The following METTL24 variants were observed in gnomAD, a reference collection of about 807,000 sequenced individuals.
The protein encoded by METTL24 is probable methyltransferase-like protein 24.
A neutral mutation model predicts 32.7 loss-of-function variants in METTL24; 29 were observed. The ratio of observed to expected loss-of-function variants is 0.89; its 90% CI spans 0.66 to 1.21. The LOEUF (loss-of-function observed/expected upper bound fraction) is 1.21, where lower values mean the gene tolerates loss of function less well. Among genes scored for constraint, METTL24 ranks in the 50% most tolerant of loss-of-function variants. The probability of loss-of-function intolerance (pLI) is 0.00; values close to 1 mark genes in which losing one functional copy is unlikely to be tolerated. For missense variants in METTL24, 439 were observed against 468.1 expected, an observed-to-expected ratio of 0.94 and a Z score of 0.57; for synonymous variants, 163 against 179.5, an observed-to-expected ratio of 0.91 and a Z score of 0.73.
At chr6:110,357,431 G>C (rs1304570436) in intron 1 of METTL24, 1 of 152,248 alleles carries the variant, frequency 6.6e-6, no homozygotes, top group African/African-American at 2.4e-5. Flanking sequence ...GCCAACGCCT[G>C]GAATGAGACT....
At chr6:110,316,952 C>A (rs1253560129) in intron 2 of METTL24, among the ~76,000 whole-genome samples, 1 of 152,080 alleles carries the variant, frequency 6.6e-6, no homozygotes, top group Non-Finnish European at 1.5e-5. Context: ...CTTGCCTAAT[C>A]CTTTAACTGA....
rs183686111 is a variant in METTL24 at position 110,245,034 on chromosome 6, A to G, written c.*912T>C. Among the ~76,000 whole-genome samples the G allele has an allele frequency of 1.3e-5, 2 of 152,110 alleles. No individual in the cohort carries two copies. Among genetic ancestry groups the G allele is most frequent in the Non-Finnish European group, 2.9e-5 (2 of 67,990 alleles). On this transcript the variant is annotated 3_prime_UTR_variant, in exon 5 of 5. Transcript: ENST00000338882. Reference sequence around the variant, plus strand: ...CTATTTATCTACCTACCTACCTACAATGGTTAATTTTATGTGTCAACTTAA... The same window carrying G: ...CTATTTATCTACCTACCTACCTACAGTGGTTAATTTTATGTGTCAACTTAA...
In METTL24 at chr6:110,322,835, C is replaced by A. The variant is rs1210445323; in HGVS notation, c.356G>T (p.Gly119Val). The A allele has an allele frequency of 6.2e-7, 1 of 1,613,856 alleles. No homozygotes were observed. Among genetic ancestry groups the A allele is most frequent in the Non-Finnish European group, 8.5e-7 (1 of 1,179,864 alleles). ...TTCTTCATCCAGGGACTGAGCAGAG[C>A]CTGCCCAAGGCTGGAGATCTATATG... is the stretch of plus-strand genomic sequence containing the variant. ...RWHIDLQPWA[G>V]SAQSLDEEAW... is the part of the protein sequence containing the mutation. The change falls in exon 2 of 5, where the codon GGC becomes GTC. Residue 119 changes from glycine to valine, a missense_variant. Gly to Val is a moderately radical substitution (Grantham distance 109). Transcript: ENST00000338882.
chr6:110,253,154 G>A (rs925272577), intron 4 of METTL24, among the ~76,000 whole-genome samples: 1 of 152,132 alleles, frequency 6.6e-6, no homozygotes, highest in Non-Finnish European at 1.5e-5. Flanking sequence ...TGACTGCCCC[G>A]AGGCGGTACT....
At chr6:110,311,387 G>A (rs1338771118) in intron 3 of METTL24, among the ~76,000 whole-genome samples, 2 of 149,980 alleles carry the variant, frequency 1.3e-5, no homozygotes, top group Non-Finnish European at 3.0e-5. Flanking sequence ...ATTGGCCCTT[G>A]TAATCTATTC....
Position 110,358,341 on chromosome 6 carries a change from C to T in METTL24, c.-69G>A. Reference sequence around the variant, plus strand: ...AGGGATGTAGCCCCACAGGCCGGAGCGGCCAACTGTGGGAACTCCCCCGCG... The same window carrying T: ...AGGGATGTAGCCCCACAGGCCGGAGTGGCCAACTGTGGGAACTCCCCCGCG... On this transcript the variant is annotated 5_prime_UTR_variant, in exon 1 of 5. Transcript: ENST00000338882. The T allele has an allele frequency of 8.3e-7, 1 of 1,211,908 alleles. No homozygotes were observed. Among genetic ancestry groups the T allele is most frequent in the Non-Finnish European group, 1.1e-6 (1 of 935,852 alleles). The allele number at this position is 1,211,908 out of a possible 1,614,324, so 75.1% of individuals were successfully genotyped here.
chr6:110,339,781 G>A (rs1772315879), intron 1 of METTL24, among the ~76,000 whole-genome samples: 2 of 152,164 alleles, frequency 1.3e-5, no homozygotes, highest in South Asian at 4.1e-4. Flanking sequence ...ACAGATTGGT[G>A]ACTTTGGATA....
intron 2 of METTL24, among the ~76,000 whole-genome samples, chr6:110,318,537 C>T (rs1285222951): frequency 6.6e-6 from 1 of 151,404 alleles, no homozygotes; most frequent in East Asian, 1.9e-4. Flanking sequence ...GCCTGTAATC[C>T]CAGCTACTAG....
chr6:110,329,660 G>C (rs1171445709), intron 1 of METTL24, among the ~76,000 whole-genome samples: 1 of 152,134 alleles, frequency 6.6e-6, no homozygotes, highest in African/African-American at 2.4e-5. Context: ...GGAGTGCCGG[G>C]TGCAGTTTCA....
intron 4 of METTL24, among the ~76,000 whole-genome samples, chr6:110,262,393 T>C (rs559033979): frequency 2.0e-5 from 3 of 152,166 alleles, no homozygotes; most frequent in Admixed American, 6.5e-5. Flanking sequence ...CCTCGACACA[T>C]ACACCATCCC....
At chr6:110,345,011 G>A (rs1273063857) in intron 1 of METTL24, among the ~76,000 whole-genome samples, 2 of 152,148 alleles carry the variant, frequency 1.3e-5, no homozygotes, top group African/African-American at 2.4e-5. Context: ...GTGGATGGGA[G>A]AAAATGCCTG....
intron 4 of METTL24, among the ~76,000 whole-genome samples, chr6:110,268,349 A>T (rs1015186219): frequency 2.0e-5 from 3 of 152,210 alleles, no homozygotes; most frequent in African/African-American, 7.2e-5. Flanking sequence ...ACTTCAAAAC[A>T]GGGGTTCTTG....
chr6:110,281,977 C>T (rs1771144337), intron 4 of METTL24, among the ~76,000 whole-genome samples: 2 of 152,088 alleles, frequency 1.3e-5, no homozygotes, highest in Non-Finnish European at 2.9e-5. Context: ...CTCAATAAGC[C>T]TGTGTGACTT....
In METTL24 at chr6:110,358,028, G is replaced by T; in HGVS notation, c.245C>A (p.Ala82Glu). The T allele has an allele frequency of 8.8e-7, 1 of 1,136,508 alleles. No homozygotes were observed. The allele number at this position is 1,136,508 out of a possible 1,614,324, so 70.4% of individuals were successfully genotyped here. The change falls in exon 1 of 5, where the codon GCG (alanine) becomes GAG (glutamate). Residue 82 changes from alanine (A) to glutamate (E), a missense_variant. By Grantham distance (107) the Ala-to-Glu change is moderately radical. Coordinates refer to ENST00000338882, the MANE Select transcript of METTL24 (RefSeq NM_001123364.3). ...CCCGCTCCCGCCGCCCCCCGGCGGC[G>T]CCCGGCGACCGCTGCGCACGTAGGT... ...QVTYVRSGRR[A>E]PPGGGGSGTP...
At chr6:110,344,904 C>T (rs550053389) in intron 1 of METTL24, among the ~76,000 whole-genome samples, 17 of 152,202 alleles carry the variant, frequency 1.1e-4, no homozygotes, top group Admixed American at 6.5e-4. Context: ...CAAAAGCAAA[C>T]GCAACAAAAG....
intron 4 of METTL24, among the ~76,000 whole-genome samples, chr6:110,251,573 A>C (rs1778279333): frequency 1.3e-5 from 2 of 152,216 alleles, no homozygotes; most frequent in Non-Finnish European, 2.9e-5. Flanking sequence ...ACCATAACAA[A>C]ATACATTAGA....
At chr6:110,331,460 G>T (rs938358065) in intron 1 of METTL24, among the ~76,000 whole-genome samples, 2 of 151,872 alleles carry the variant, frequency 1.3e-5, no homozygotes, top group Non-Finnish European at 2.9e-5. Context: ...GGAGTTCAAG[G>T]CCAGCCTGGG....
Position 110,330,163 on chromosome 6 carries a change from T to A in METTL24, c.319-7291A>T, listed in dbSNP as rs138159848. Among the ~76,000 whole-genome samples the A allele has an allele frequency of 2.0e-5, 3 of 152,224 alleles. No homozygotes were observed. The East Asian group carries it at 5.8e-4, about 29-fold the overall frequency. On this transcript the variant is annotated intron_variant, in intron 1 of 4. Transcript: ENST00000338882. ...TAGTAGAGGAAATCCTCACTTTTCC[T>A]CCTTTTTTTTCCTTTCTCCGTTCTT...
chr6:110,335,581 T>G (rs959396061), intron 1 of METTL24, among the ~76,000 whole-genome samples: 54 of 145,270 alleles, frequency 3.7e-4, no homozygotes, highest in Admixed American at 1.7e-3. Context: ...TTTTTTTTTT[T>G]TTTTTTTTTT....
Sources: allele counts gnomAD v4.1 joint callset (sites outside exome capture counted in the v4.1 genomes callset), GRCh38; gene constraint gnomAD v4.1.1; transcripts MANE v1.5; gene names NCBI Gene and HGNC (gene_info 2026-07-23, HGNC 2026-07-21).